CMIP: variants seen among roughly 807,000 people sequenced by gnomAD.
CMIP encodes the protein c-Maf inducing protein.
A neutral mutation model predicts 97.3 loss-of-function variants in CMIP; 13 were observed. The ratio of observed to expected loss-of-function variants is 0.13; its 90% CI spans 0.09 to 0.21. The LOEUF is 0.21. Among genes scored for constraint, CMIP ranks in the 10% least tolerant of loss-of-function variants. The pLI is 1.00. For synonymous variants in CMIP, 538 were observed against 436.3 expected (o/e 1.23, Z -2.91); for missense variants, 847 against 1,024.9 (o/e 0.83, Z 2.37).
intron 1 of CMIP, among the ~76,000 whole-genome samples, chr16:81,584,604 C>T (rs753391963): frequency 7.1e-6 from 1 of 141,366 alleles, no homozygotes; most frequent in Admixed American, 7.0e-5. Flanking sequence ...TGTAGATCAG[C>T]TGCAGTCCCA....
At chr16:81,562,516 G>T (rs2090902951) in intron 1 of CMIP, among the ~76,000 whole-genome samples, 1 of 152,258 alleles carries the variant, frequency 6.6e-6, no homozygotes, top group African/African-American at 2.4e-5. Flanking sequence ...TCTTGGACCA[G>T]GGTGATGATC....
intron 1 of CMIP, among the ~76,000 whole-genome samples, chr16:81,602,725 A>C (rs7205559): frequency 0.099 from 15,053 of 152,184 alleles, 1,802 homozygotes; most frequent in African/African-American, 0.28. Context: ...TCGTCTGCTT[A>C]TTGTTCTCTT....
chr16:81,530,859 G>GA (rs2090220492), intron 1 of CMIP, among the ~76,000 whole-genome samples: 1 of 152,106 alleles, frequency 6.6e-6, no homozygotes. Context: ...GCATAAAAAA[G>GA]AAATTTCTCT....
intron 13 of CMIP, chr16:81,695,831 G>T (rs921585212): frequency 6.5e-6 from 1 of 153,110 alleles, no homozygotes; most frequent in Non-Finnish European, 1.5e-5. Flanking sequence ...GCCACGGACA[G>T]ATCCTTCAGT....
chr16:81,496,970 G>A (rs1218559194), intron 1 of CMIP, among the ~76,000 whole-genome samples: 2 of 152,274 alleles, frequency 1.3e-5, no homozygotes, highest in African/African-American at 4.8e-5. Context: ...GGGTTCAACA[G>A]TTGGAAGAGG....
In CMIP at chr16:81,685,279, G is replaced by A. The variant is rs77254700; in HGVS notation, c.1389-6496G>A. Among the ~76,000 whole-genome samples the A allele has an allele frequency of 2.5e-3, 381 of 152,312 alleles. 5 individuals are homozygous for A. Among genetic ancestry groups the A allele is most frequent in the African/African-American group, 8.2e-3 (341 of 41,562 alleles). The stretch of plus-strand genomic sequence containing the variant: ...AAGCGGAGCCCCAGGCTGGGAGACC[G>A]AGAGGAGGAGGCTTCTGTCCAGACC... On this transcript the variant is annotated intron_variant, in intron 10 of 20. Coordinates refer to ENST00000537098, the MANE Select transcript of CMIP (RefSeq NM_198390.3).
intron 2 of CMIP, among the ~76,000 whole-genome samples, chr16:81,613,773 C>G (rs1425537640): frequency 6.6e-6 from 1 of 152,050 alleles, no homozygotes; most frequent in African/African-American, 2.4e-5. Flanking sequence ...ATATGAATGC[C>G]CCATTCATCC....
intron 10 of CMIP, among the ~76,000 whole-genome samples, chr16:81,680,932 G>C (rs755965908): frequency 6.6e-6 from 1 of 152,158 alleles, no homozygotes; most frequent in African/African-American, 2.4e-5. Context: ...GTTTCAGCAC[G>C]CAGTTGACAC....
chr16:81,474,143 C>G (rs9935646), intron 1 of CMIP, among the ~76,000 whole-genome samples: 1 of 152,164 alleles, frequency 6.6e-6, no homozygotes, highest in Admixed American at 6.5e-5. Context: ...CTCCACTCCC[C>G]CAGCCTCCTA....
chr16:81,650,479 G>GA (rs1263126936), intron 3 of CMIP, among the ~76,000 whole-genome samples: 2 of 152,158 alleles, frequency 1.3e-5, no homozygotes, highest in African/African-American at 2.4e-5. Context: ...AAGACTTGGG[G>GA]TGATGGGCGG....
rs753959147 is a variant in CMIP, at chr16:81,453,577, C to T, written c.300+8036C>T. 6.6e-6 allele frequency among the ~76,000 whole-genome samples: 1 copy of T among 152,166 alleles called. No individual in the cohort carries two copies. Among genetic ancestry groups the T allele is most frequent in the Non-Finnish European group, 1.5e-5 (1 of 68,012 alleles). On this transcript the variant is annotated intron_variant, in intron 1 of 20. Transcript: ENST00000537098. This position sits in a 1 kb window ranked among gnomAD's most constrained non-coding sequence, Gnocchi z 4.0. ...TGGCTCCCTGTGTGGACTAGGTGAC[C>T]CTGTTTACCAACACACACACCGGTG...
intron 1 of CMIP, among the ~76,000 whole-genome samples, chr16:81,450,858 C>A (rs147199309): frequency 5.3e-5 from 8 of 152,350 alleles, no homozygotes; most frequent in African/African-American, 1.9e-4. Context: ...TACTCGACGT[C>A]CACACAGCCC....
chr16:81,693,589 A>G (rs2151083475), intron 13 of CMIP, 102 bp downstream of exon 13: 1 of 1,310,894 alleles, frequency 7.6e-7, no homozygotes, highest in Non-Finnish European at 1.0e-6. Flanking sequence ...ACAGGCATTC[A>G]GAACAGCTTT....
At chr16:81,641,867 G>A (rs1289870591) in intron 3 of CMIP, among the ~76,000 whole-genome samples, 1 of 152,222 alleles carries the variant, frequency 6.6e-6, no homozygotes. Flanking sequence ...GCTCAGGTTT[G>A]CCTCTCGGAG....
intron 1 of CMIP, among the ~76,000 whole-genome samples, chr16:81,604,692 T>C (rs1433843269): frequency 6.6e-6 from 1 of 152,132 alleles, no homozygotes; most frequent in Non-Finnish European, 1.5e-5. Flanking sequence ...AGAGCAAGAC[T>C]CCGTCTCAAA....
At chr16:81,537,797 T>C (rs1200140036) in intron 1 of CMIP, among the ~76,000 whole-genome samples, 1 of 152,168 alleles carries the variant, frequency 6.6e-6, no homozygotes, top group African/African-American at 2.4e-5. Context: ...GCCTCCCGCT[T>C]TGAGCAGGGA....
intron 1 of CMIP, among the ~76,000 whole-genome samples, chr16:81,475,597 C>T (rs576876854): frequency 6.6e-6 from 1 of 152,288 alleles, no homozygotes; most frequent in Non-Finnish European, 1.5e-5. Context: ...CCAAAGGAAA[C>T]TGCAGTGAGA....
intron 1 of CMIP, among the ~76,000 whole-genome samples, chr16:81,499,953 G>A (rs1181113244): frequency 6.6e-6 from 1 of 152,222 alleles, no homozygotes; most frequent in Non-Finnish European, 1.5e-5. Flanking sequence ...CGCACTCTGG[G>A]CTTCACCTGG....
chr16:81,703,526 CACAGACACACACATGT>C (rs1567675051), intron 17 of CMIP, among the ~76,000 whole-genome samples: 1 of 151,886 alleles, frequency 6.6e-6, no homozygotes, highest in Non-Finnish European at 1.5e-5. Context: ...CACAGACGTG[CACAGACACACACATGT>C]ACAGACACAT....
Sources: gnomAD v4.1 joint callset for allele counts (sites outside exome capture counted in the v4.1 genomes callset) on GRCh38, gnomAD v4.1.1 for gene constraint, Gnocchi (gnomAD v3.1) non-coding constraint, MANE v1.5 for transcripts, NCBI Gene and HGNC (gene_info 2026-07-23, HGNC 2026-07-21) for gene names.